The following MAP2 variants were observed in gnomAD, a reference collection of about 807,000 sequenced individuals.
MAP2 encodes microtubule associated protein 2, also known as microtubule-associated protein 2.
In MAP2, 14 loss-of-function variants were observed where a neutral mutation model predicts 137.6. The ratio of observed to expected loss-of-function variants is 0.10; its 90% CI spans 0.07 to 0.16. MAP2 has a LOEUF of 0.16. Ranked by LOEUF, MAP2 falls within the 10% of genes least tolerant of loss-of-function variation. The probability of loss-of-function intolerance (pLI) is 1.00; values close to 1 mark genes in which losing one functional copy is unlikely to be tolerated. For synonymous variants in MAP2, 786 were observed against 782.3 expected (o/e 1.00, Z -0.08); for missense variants, 2,088 against 2,191.5 (o/e 0.95, Z 0.94).
At chr2:209,675,752 C>G (rs1449737418) in intron 5 of MAP2, among the ~76,000 whole-genome samples, 1 of 151,602 alleles carries the variant, frequency 6.6e-6, no homozygotes, top group African/African-American at 2.4e-5. Context: ...GCTCATATAA[C>G]CAATGGATAC....
At chr2:209,554,925 G>T (rs1193268467) in intron 2 of MAP2, among the ~76,000 whole-genome samples, 2 of 146,884 alleles carry the variant, frequency 1.4e-5, no homozygotes, top group Non-Finnish European at 3.0e-5. Flanking sequence ...CACATTTTAT[G>T]TATCTATCAT....
intron 3 of MAP2, among the ~76,000 whole-genome samples, chr2:209,588,139 C>A (rs1475752706): frequency 2.0e-5 from 3 of 152,134 alleles, no homozygotes; most frequent in Non-Finnish European, 4.4e-5. Context: ...TCTACTCTTT[C>A]CATAATGGAC....
intron 2 of MAP2, among the ~76,000 whole-genome samples, chr2:209,509,057 A>G (rs1274859244): frequency 2.0e-5 from 3 of 151,996 alleles, no homozygotes; most frequent in Non-Finnish European, 4.4e-5. Flanking sequence ...AGTTTTAATT[A>G]TAAATAAATC....
chr2:209,529,125 C>A (rs1018267478), intron 2 of MAP2, among the ~76,000 whole-genome samples: 1 of 151,726 alleles, frequency 6.6e-6, no homozygotes, highest in Non-Finnish European at 1.5e-5. Flanking sequence ...TTAGAACTGA[C>A]AAGGATTTTA....
rs1383879614 is a variant in MAP2, at chr2:209,710,077, C to A, written c.4896C>A (p.Pro1632=). 3.7e-6 allele frequency: 6 copies of A among 1,613,888 alleles called. No homozygotes were observed. The highest frequency in any genetic ancestry group is 2.2e-5 in the South Asian group (2 of 91,080). The change falls in exon 13 of 16, where the codon CCC becomes CCA. Residue 1632 remains proline (P), a synonymous_variant. Coordinates refer to ENST00000682079, the MANE Select transcript of MAP2 (RefSeq NM_001375505.1). ...GGACCCCTCACACACCAGGAACCCC[C>A]AAGTCTGCCATCTTGGTGCCGAGTG... ...YPRTPHTPGT[P]KSAILVPSEK...
At chr2:209,569,085 G>C (rs1310508900) in intron 2 of MAP2, among the ~76,000 whole-genome samples, 1 of 151,736 alleles carries the variant, frequency 6.6e-6, no homozygotes, top group African/African-American at 2.4e-5. Flanking sequence ...AAAAAAATAA[G>C]TAAATACTTT....
chr2:209,697,576 CTTTGCT>C (rs1328805891), intron 10 of MAP2, among the ~76,000 whole-genome samples: 1 of 151,970 alleles, frequency 6.6e-6, no homozygotes, highest in African/African-American at 2.4e-5. Context: ...ATTACTATTA[CTTTGCT>C]TTTGCTGAAA....
chr2:209,655,805 A>T (rs149726561), intron 5 of MAP2, among the ~76,000 whole-genome samples: 314 of 152,320 alleles, frequency 2.1e-3, no homozygotes, highest in Non-Finnish European at 4.1e-3. Context: ...TTCTCAGGAC[A>T]CTGTTAGCGT....
chr2:209,505,061 C>T lies in MAP2; in HGVS notation c.-221-2531C>T, dbSNP rs527700152. ...TTTTTCTTCTCTTTTTTCCTTTACT[C>T]TCCTAGTATTTTTATTTTAAATTTC... On this transcript the variant is annotated intron_variant, in intron 1 of 15. Coordinates refer to ENST00000682079, the MANE Select transcript of MAP2 (RefSeq NM_001375505.1). Among the ~76,000 whole-genome samples the T allele has an allele frequency of 4.6e-5, 7 of 152,070 alleles. No individual in the cohort carries two copies. In the South Asian group the frequency reaches 1.5e-3, roughly 32 times the overall value.
At chr2:209,627,390 A>T (rs2092480417) in intron 4 of MAP2, among the ~76,000 whole-genome samples, 1 of 152,148 alleles carries the variant, frequency 6.6e-6, no homozygotes, top group Non-Finnish European at 1.5e-5. Flanking sequence ...ATTTCGTCAA[A>T]GTTGGGGGAG....
At position 209,695,186 on chromosome 2, in the gene MAP2, A is replaced by G. The variant is rs901574573; in HGVS notation, c.3016A>G (p.Ile1006Val). The change falls in exon 8 of 16, where the codon ATA becomes GTA. Residue 1006 changes from isoleucine (I) to valine (V), a missense_variant. Ile to Val is a conservative substitution (Grantham distance 29). Transcript: ENST00000682079. ...GCAAGCTTTGGCCAAAGATTTGTCA[A>G]TACCAACAGATGCATCCTCTGAGAA... is the stretch of plus-strand genomic sequence containing the variant. ...YEQALAKDLS[I>V]PTDASSEKAE... is the part of the protein sequence containing the mutation. The G allele has an allele frequency of 6.2e-6, 10 of 1,614,104 alleles. No individual in the cohort carries two copies. The highest frequency in any genetic ancestry group is 7.6e-6 in the Non-Finnish European group (9 of 1,180,048).
intron 11 of MAP2, among the ~76,000 whole-genome samples, chr2:209,701,192 A>G (rs1184179337): frequency 6.6e-6 from 1 of 152,048 alleles, no homozygotes; most frequent in Non-Finnish European, 1.5e-5. Context: ...TACATTCTGT[A>G]TAAGGAGAGT....
chr2:209,665,637 C>G (rs1390562904), intron 5 of MAP2, among the ~76,000 whole-genome samples: 1 of 152,098 alleles, frequency 6.6e-6, no homozygotes, highest in Non-Finnish European at 1.5e-5. Context: ...TTTTTGAAGA[C>G]CAAATGTCAC....
chr2:209,453,195 T>A (rs1186075569), intron 1 of MAP2, among the ~76,000 whole-genome samples: 5 of 152,172 alleles, frequency 3.3e-5, no homozygotes, highest in African/African-American at 4.8e-5. Flanking sequence ...AAAATAAGTG[T>A]AGCGATGTTG....
rs1460832921 is a variant in MAP2, at chr2:209,694,947, A to C, written c.2777A>C (p.Lys926Thr). 1 of 1,614,100 alleles carries C rather than the reference A, an allele frequency of 6.2e-7. No homozygotes were observed. The highest frequency in any genetic ancestry group is 8.5e-7 in the Non-Finnish European group (1 of 1,180,042). The change falls in exon 8 of 16, where the codon AAA becomes ACA. Residue 926 changes from lysine to threonine, a missense_variant. By Grantham distance (78) the Lys-to-Thr change is moderately conservative. Transcript: ENST00000682079. ...EVKLAAAGRV[K>T]DEFSVDKEAS... ...AAACTGGCAGCAGCCGGAAGAGTCA[A>C]AGATGAGTTCAGTGTTGACAAAGAA...
At chr2:209,529,372 A>G (rs2064740515) in intron 2 of MAP2, among the ~76,000 whole-genome samples, 1 of 152,210 alleles carries the variant, frequency 6.6e-6, no homozygotes, top group Non-Finnish European at 1.5e-5. Context: ...TGAATAAGTA[A>G]ACTTCTTAAC....
chr2:209,567,023 G>A (rs1331525111), intron 2 of MAP2, among the ~76,000 whole-genome samples: 2 of 152,132 alleles, frequency 1.3e-5, no homozygotes, highest in Non-Finnish European at 1.5e-5. Flanking sequence ...AAGCATTACA[G>A]TAGAAAGTAT....
At chr2:209,629,892 T>C (rs2092796832) in intron 4 of MAP2, among the ~76,000 whole-genome samples, 1 of 152,176 alleles carries the variant, frequency 6.6e-6, no homozygotes, top group South Asian at 2.1e-4. Flanking sequence ...GATTTCTCAG[T>C]AATTCTGGGC....
At chr2:209,623,079 T>G (rs995241493) in intron 3 of MAP2, among the ~76,000 whole-genome samples, 4 of 152,162 alleles carry the variant, frequency 2.6e-5, no homozygotes, top group African/African-American at 9.7e-5. Flanking sequence ...TAGTGTTGTT[T>G]TTAATATTAC....
Sources: allele counts gnomAD v4.1 joint callset (sites outside exome capture counted in the v4.1 genomes callset), GRCh38; gene constraint gnomAD v4.1.1; transcripts MANE v1.5; gene names NCBI Gene and HGNC (gene_info 2026-07-23, HGNC 2026-07-21).